HNF4A: variants seen among roughly 807,000 people sequenced by gnomAD.
HNF4A encodes the protein hepatocyte nuclear factor 4 alpha, also known as hepatocyte nuclear factor 4-alpha.
Under a neutral mutation model 52.4 loss-of-function variants are expected in HNF4A, and 15 were observed. The observed-to-expected ratio is 0.29, with a 90% CI of 0.19 to 0.44. The LOEUF (loss-of-function observed/expected upper bound fraction) is 0.44. Ranked by LOEUF, HNF4A falls within the 20% of genes least tolerant of loss-of-function variation. The probability of loss-of-function intolerance (pLI) is 1.00; values close to 1 mark genes in which losing one functional copy is unlikely to be tolerated. For synonymous variants in HNF4A, 280 were observed against 264.4 expected (o/e 1.06, Z -0.57); for missense variants, 479 against 647.2 (o/e 0.74, Z 2.82).
upstream of HNF4A, among the ~76,000 whole-genome samples, chr20:44,396,423 C>T (rs919677867): frequency 8.5e-5 from 13 of 152,312 alleles, no homozygotes; most frequent in African/African-American, 2.6e-4. Flanking sequence ...AAGCTCCCTA[C>T]ACATGCCTCC....
At chr20:44,421,894 T>G (rs1412201829) in intron 7 of HNF4A, among the ~76,000 whole-genome samples, 1 of 147,956 alleles carries the variant, frequency 6.8e-6, no homozygotes, top group East Asian at 1.9e-4. Flanking sequence ...TATATAGTGA[T>G]ATATATTATA....
upstream of HNF4A, among the ~76,000 whole-genome samples, chr20:44,398,003 C>G (rs976927269): frequency 2.0e-5 from 3 of 152,152 alleles, no homozygotes; most frequent in Non-Finnish European, 4.4e-5. Context: ...CGTTCTTTCT[C>G]CTTATCTAAC....
chr20:44,405,424 G>A (rs1316459004), intron 1 of HNF4A, among the ~76,000 whole-genome samples: 2 of 152,170 alleles, frequency 1.3e-5, no homozygotes, highest in Non-Finnish European at 2.9e-5. Flanking sequence ...ATCAGCAGTA[G>A]TGCCCAGGAC....
In HNF4A at chr20:44,424,144, T is replaced by C; in HGVS notation, c.1019T>C (p.Leu340Pro). The change falls in exon 8 of 10, where the codon CTG becomes CCG. Residue 340 changes from leucine to proline, a missense_variant. Physicochemically the swap from Leu to Pro is moderately conservative, Grantham distance 98 (BLOSUM62 -3). Transcript: ENST00000316099. ...GGCCGCTTTGGAGAGCTGCTGCTGC[T>C]GCTGCCCACCTTGCAGAGCATCACC... 1 of 1,613,740 alleles carries C rather than the reference T, an allele frequency of 6.2e-7. No individual in the cohort carries two copies. Among genetic ancestry groups the C allele is most frequent in the Admixed American group, 1.7e-5 (1 of 60,002 alleles).
chr20:44,399,727 T>C (rs1473026686), upstream of HNF4A, among the ~76,000 whole-genome samples: 1 of 152,138 alleles, frequency 6.6e-6, no homozygotes, highest in Non-Finnish European at 1.5e-5. Context: ...CCCTCATTCG[T>C]TCATTCACTC....
At chr20:44,414,426 G>C in intron 4 of HNF4A, 81 bp from the exon 5 acceptor site, 2 of 1,601,474 alleles carry the variant, frequency 1.2e-6, no homozygotes, top group Non-Finnish European at 1.7e-6. Flanking sequence ...TCTGATTCCA[G>C]GGAGGGGGCT....
intron 5 of HNF4A, among the ~76,000 whole-genome samples, chr20:44,417,661 A>G (rs2146433744): frequency 6.6e-6 from 1 of 152,268 alleles, no homozygotes; most frequent in East Asian, 1.9e-4. Flanking sequence ...TCAGGATCAG[A>G]ATCTCAGGGC....
At chr20:44,403,200 G>A (rs1240533041) in intron 1 of HNF4A, among the ~76,000 whole-genome samples, 2 of 152,200 alleles carry the variant, frequency 1.3e-5, no homozygotes, top group African/African-American at 4.8e-5. Context: ...CAGAGGCCAA[G>A]CCCCTGAACT....
At chr20:44,363,112 T>C (rs2062935336) in intron 1 of HNF4A, among the ~76,000 whole-genome samples, 1 of 152,072 alleles carries the variant, frequency 6.6e-6, no homozygotes, top group Non-Finnish European at 1.5e-5. Flanking sequence ...CGCCTCGGCC[T>C]CCCAAAGTGC....
intron 7 of HNF4A, among the ~76,000 whole-genome samples, chr20:44,420,983 G>A (rs6073434): frequency 6.6e-6 from 1 of 152,106 alleles, no homozygotes; most frequent in South Asian, 2.1e-4. Flanking sequence ...GAAAGACAAA[G>A]CCTTATATTT....
At chr20:44,358,507 G>A (rs1600621008) in intron 1 of HNF4A, among the ~76,000 whole-genome samples, 3 of 152,274 alleles carry the variant, frequency 2.0e-5, no homozygotes, top group Admixed American at 2.0e-4. Context: ...CTACTTGGGA[G>A]GCTGAGGCAT....
At chr20:44,358,869 T>A (rs534710451) in intron 1 of HNF4A, among the ~76,000 whole-genome samples, 1 of 152,082 alleles carries the variant, frequency 6.6e-6, no homozygotes, top group South Asian at 2.1e-4. Flanking sequence ...CTCGTTGTGG[T>A]TTCATGTTTT....
At chr20:44,368,086 A>ATATGTG (rs1555807440) in intron 1 of HNF4A, among the ~76,000 whole-genome samples, 9 of 102,250 alleles carry the variant, frequency 8.8e-5, no homozygotes, top group East Asian at 2.7e-4. Flanking sequence ...ATATATATAT[A>ATATGTG]TGTGTGTGTG....
chr20:44,422,696 A>AT (rs1568739668), intron 7 of HNF4A, among the ~76,000 whole-genome samples: 3 of 146,644 alleles, frequency 2.0e-5, no homozygotes, highest in African/African-American at 7.5e-5. Flanking sequence ...TATTTTTTAA[A>AT]ATATATATAT....
chr20:44,381,279 C>G (rs73907498), intron 1 of HNF4A, among the ~76,000 whole-genome samples: 17 of 110,112 alleles, frequency 1.5e-4, no homozygotes, highest in African/African-American at 5.7e-4. Context: ...TCAGTGAGAG[C>G]TTTTTTTTTT....
intron 1 of HNF4A, chr20:44,395,702 G>C (rs2063346951): frequency 6.6e-6 from 1 of 152,274 alleles, no homozygotes; most frequent in Non-Finnish European, 1.5e-5. Flanking sequence ...TTGTGAGATA[G>C]TTAGGACTTT....
chr20:44,361,522 G>A (rs573090611), intron 1 of HNF4A, among the ~76,000 whole-genome samples: 20 of 152,190 alleles, frequency 1.3e-4, no homozygotes, highest in Non-Finnish European at 2.8e-4. Context: ...TTTGCTTCAC[G>A]TGGTGGCTCA....
At chr20:44,415,701 C>G (rs1260080274) in intron 5 of HNF4A, among the ~76,000 whole-genome samples, 1 of 152,190 alleles carries the variant, frequency 6.6e-6, no homozygotes, top group Non-Finnish European at 1.5e-5. Flanking sequence ...TTTGCAGAGG[C>G]CGAGGCTTCT....
intron 6 of HNF4A, 138 bp from the exon 7 acceptor site, chr20:44,419,583 C>T (rs1464685768): frequency 1.2e-6 from 1 of 812,862 alleles, no homozygotes; most frequent in Non-Finnish European, 2.1e-6. Context: ...GCTTCCTTAC[C>T]TGTGAAATGG....
Sources: gnomAD v4.1 joint callset for allele counts (sites outside exome capture counted in the v4.1 genomes callset) on GRCh38, gnomAD v4.1.1 for gene constraint, MANE v1.5 for transcripts, NCBI Gene and HGNC (gene_info 2026-07-23, HGNC 2026-07-21) for gene names.